ARHGAP6: variants seen among roughly 807,000 people sequenced by gnomAD.
ARHGAP6 encodes rho GTPase-activating protein 6.
ARHGAP6 carries 16 observed loss-of-function variants against 55.7 expected under a neutral mutation model. The ratio of observed to expected loss-of-function variants is 0.29; its 90% CI spans 0.19 to 0.44. ARHGAP6 has a LOEUF of 0.44. ARHGAP6 is among the 20% of genes least tolerant of loss of function. The pLI is 1.00. For missense variants in ARHGAP6, 698 were observed against 808.9 expected (o/e 0.86, Z 1.66); for synonymous variants, 382 against 360.9 (o/e 1.06, Z -0.66).
chrX:11,167,655 CGAT>C (rs200989722), intron 9 of ARHGAP6, among the ~76,000 whole-genome samples: 3,068 of 111,051 alleles, frequency 0.028, 118 homozygotes, highest in African/African-American at 0.095. Context: ...AAGAAATGCT[CGAT>C]GATATGTGGT....
intron 1 of ARHGAP6, among the ~76,000 whole-genome samples, chrX:11,292,398 G>A (rs1007211386): frequency 1.2e-3 from 135 of 111,890 alleles, no homozygotes; most frequent in African/African-American, 4.0e-3. Context: ...AATTTAATAG[G>A]TAGATGATCA....
chrX:11,386,494 G>C (rs1442878831), intron 1 of ARHGAP6, among the ~76,000 whole-genome samples: 1 of 111,393 alleles, frequency 9.0e-6, no homozygotes, highest in Admixed American at 9.5e-5. Flanking sequence ...TAGACGTGAC[G>C]AGATGCCTGA....
In ARHGAP6 at chrX:11,637,150, T is replaced by C. The variant is rs937759309; in HGVS notation, c.588+27091A>G. Among the ~76,000 whole-genome samples the C allele has an allele frequency of 7.2e-5, 8 of 111,383 alleles. No individual in the cohort carries two copies. In the East Asian group the frequency reaches 2.3e-3, roughly 32 times the overall value. ...GACTGAAAGGAGAAAAATAATCTAT[T>C]AACAAACAGGCCATTTACAGTTGCA... On this transcript the variant is annotated intron_variant, in intron 1 of 12. Coordinates refer to ENST00000337414, the MANE Select transcript of ARHGAP6 (RefSeq NM_013427.3).
At chrX:11,322,142 T>C (rs1314990672) in intron 1 of ARHGAP6, among the ~76,000 whole-genome samples, 1 of 111,958 alleles carries the variant, frequency 8.9e-6, no homozygotes, top group Non-Finnish European at 1.9e-5. Context: ...TGATCATCTC[T>C]ACAGTACAGA....
At chrX:11,616,327 T>A (rs1253710600) in intron 1 of ARHGAP6, among the ~76,000 whole-genome samples, 1 of 110,699 alleles carries the variant, frequency 9.0e-6, no homozygotes, top group Non-Finnish European at 1.9e-5. Flanking sequence ...ACCTCTTTTT[T>A]CTTTTTCTTT....
intron 6 of ARHGAP6, among the ~76,000 whole-genome samples, chrX:11,179,749 TATATGTATATGTATAC>T (rs1448024137): frequency 2.2e-3 from 199 of 90,348 alleles, no homozygotes; most frequent in African/African-American, 8.7e-3. Flanking sequence ...TATATACATA[TATATGTATATGTATAC>T]ATATATATAT....
At chrX:11,169,738 G>A in intron 8 of ARHGAP6, 54 bp from the exon 9 acceptor site, 2 of 940,761 alleles carry the variant, frequency 2.1e-6, no homozygotes, top group Non-Finnish European at 2.8e-6. Context: ...TCAAGATACT[G>A]GGTGATTCAA....
intron 1 of ARHGAP6, among the ~76,000 whole-genome samples, chrX:11,360,166 A>G (rs1245538778): frequency 1.8e-5 from 2 of 112,076 alleles, no homozygotes; most frequent in Non-Finnish European, 3.8e-5. Context: ...TGAGGCCAGC[A>G]TCATCCTGAT....
At chrX:11,589,998 T>G (rs940750712) in intron 1 of ARHGAP6, among the ~76,000 whole-genome samples, 1 of 111,388 alleles carries the variant, frequency 9.0e-6, no homozygotes. Flanking sequence ...ACCAGCCCTA[T>G]AGATGAAGAC....
chrX:11,272,990 T>C, intron 1 of ARHGAP6, among the ~76,000 whole-genome samples: 1 of 111,838 alleles, frequency 8.9e-6, no homozygotes, highest in East Asian at 2.8e-4. Flanking sequence ...TTACCTGCTC[T>C]GTAAAGTGGA....
chrX:11,222,595 ATTTCAAACGTGTTT>A (rs1199848687), intron 2 of ARHGAP6, among the ~76,000 whole-genome samples: 5 of 112,213 alleles, frequency 4.5e-5, no homozygotes, highest in South Asian at 3.7e-4. Context: ...CCCAGAAAAT[ATTTCAAACGTGTTT>A]TTAAGTGTAT....
chrX:11,552,601 G>GACAC (rs769582716), intron 1 of ARHGAP6, among the ~76,000 whole-genome samples: 4,424 of 35,546 alleles, frequency 0.12, 291 homozygotes, highest in Non-Finnish European at 0.15. Flanking sequence ...TATATATATA[G>GACAC]ACACACACAC....
chrX:11,397,816 C>T (rs1055536746), intron 1 of ARHGAP6, among the ~76,000 whole-genome samples: 7 of 111,366 alleles, frequency 6.3e-5, no homozygotes, highest in South Asian at 3.8e-4. Context: ...CCAGGGAGGT[C>T]GAAGCTGCAG....
intron 1 of ARHGAP6, among the ~76,000 whole-genome samples, chrX:11,535,544 C>T (rs772463512): frequency 2.3e-3 from 260 of 111,919 alleles, no homozygotes; most frequent in Non-Finnish European, 4.4e-3. Flanking sequence ...TAAGCTTTTT[C>T]TCCTCAATGA....
intron 1 of ARHGAP6, among the ~76,000 whole-genome samples, chrX:11,396,797 G>A (rs1323683338): frequency 1.8e-5 from 2 of 111,366 alleles, no homozygotes; most frequent in South Asian, 3.8e-4. Context: ...GAACCTATAT[G>A]GACATTATCA....
chrX:11,144,033 T>C lies in ARHGAP6; in HGVS notation c.2123A>G (p.His708Arg). 1 of 1,211,742 alleles carries C rather than the reference T, an allele frequency of 8.3e-7. No homozygotes were observed. Among genetic ancestry groups the C allele is most frequent in the South Asian group, 1.8e-5 (1 of 56,954 alleles). The change falls in exon 11 of 13, where the codon CAC (histidine) becomes CGC (arginine). Residue 708 changes from histidine to arginine, a missense_variant. Physicochemically the swap from His to Arg is conservative, Grantham distance 29. Coordinates refer to ENST00000337414, the MANE Select transcript of ARHGAP6 (RefSeq NM_013427.3). ...TTCCCTTGACTTTGACGACGACAAG[T>C]GGCCCACCAGCATAAACTGCCCTGG... The part of the protein sequence containing the change: ...RVPGQFMLVG[H>R]LSSSKSRESS...
chrX:11,362,186 T>C (rs184245688), intron 1 of ARHGAP6, among the ~76,000 whole-genome samples: 2,799 of 111,411 alleles, frequency 0.025, 90 homozygotes, highest in African/African-American at 0.087. Context: ...AATCATGCTG[T>C]TATAAAGACA....
At position 11,664,768 on chromosome X, in the gene ARHGAP6, C is replaced by A; in HGVS notation, c.61G>T (p.Ala21Ser). Residue 21 changes from alanine to serine, a missense_variant, in exon 1 of 13, where the codon GCG becomes TCG. Ala to Ser is a moderately conservative substitution (Grantham distance 99). Around this residue, in one of 3 missense-constraint regions of ARHGAP6, gnomAD observed 164 missense variants for 149.2 expected, o/e 1.10. Transcript: ENST00000337414. The part of the protein sequence containing the change: ...FSCSSPASSS[A>S]ASAKGFSKRK... The stretch of plus-strand genomic sequence containing the variant: ...TTGGAGAAGCCCTTGGCCGAGGCCG[C>A]GCTACTTGAAGCGGGCGAGGAACAG... 1 of 1,202,733 alleles carries A rather than the reference C, an allele frequency of 8.3e-7. No homozygotes were observed. The highest frequency in any genetic ancestry group is 1.1e-6 in the Non-Finnish European group (1 of 892,587).
rs17321454 is a variant in ARHGAP6, at chrX:11,267,988, C to T, written c.589-13281G>A. ...AGGTTCCATCTGTGGAAGAGTTTCGCTAATCACAAAAAGTGCTGAGAGCAC... is the reference window on the plus strand; with the variant it reads ...AGGTTCCATCTGTGGAAGAGTTTCGTTAATCACAAAAAGTGCTGAGAGCAC... On this transcript the variant is annotated intron_variant, in intron 1 of 12. Coordinates refer to ENST00000337414, the MANE Select transcript of ARHGAP6 (RefSeq NM_013427.3). Among the ~76,000 whole-genome samples the T allele has an allele frequency of 4.3e-3, 487 of 112,195 alleles. 2 individuals are homozygous for T. Among genetic ancestry groups the T allele is most frequent in the Middle Eastern group, 9.2e-3 (2 of 217 alleles).
Sources: allele counts gnomAD v4.1 joint callset (sites outside exome capture counted in the v4.1 genomes callset), GRCh38; gene constraint gnomAD v4.1.1; regional missense constraint gnomAD v4.1.1; transcripts MANE v1.5; gene names NCBI Gene and HGNC (gene_info 2026-07-23, HGNC 2026-07-21).